ADCY8: variants seen among roughly 807,000 people sequenced by gnomAD.
ADCY8 encodes the protein adenylate cyclase 8.
A neutral mutation model predicts 119.7 loss-of-function variants in ADCY8; 51 were observed. The ratio of observed to expected loss-of-function variants is 0.43; its 90% confidence interval spans 0.34 to 0.54. The LOEUF (loss-of-function observed/expected upper bound fraction) is 0.54, where lower values mean the gene tolerates loss of function less well. ADCY8 is among the 20% of genes least tolerant of loss of function. ADCY8 has a pLI of 0.03. For synonymous variants in ADCY8, 665 were observed against 651.0 expected (o/e 1.02, Z -0.33); for missense variants, 1,383 against 1,598.8 (o/e 0.87, Z 2.30).
chr8:130,843,930 G>A (rs2130289717), intron 11 of ADCY8, among the ~76,000 whole-genome samples: 1 of 152,250 alleles, frequency 6.6e-6, no homozygotes, highest in African/African-American at 2.4e-5. Flanking sequence ...TGAAGGAGTT[G>A]GGCCTGTCAA....
At chr8:131,024,899 T>C (rs1823777364) in intron 1 of ADCY8, among the ~76,000 whole-genome samples, 2 of 152,176 alleles carry the variant, frequency 1.3e-5, no homozygotes, top group African/African-American at 4.8e-5. Context: ...TCTATAAGAA[T>C]TGTCATTATC....
chr8:131,039,523 T>C lies in ADCY8; in HGVS notation c.811A>G (p.Ile271Val). 1.2e-6 allele frequency: 2 copies of C among 1,613,912 alleles called. No homozygotes were observed. The highest frequency in any genetic ancestry group is 1.7e-5 in the Admixed American group (1 of 60,018). ...AAGAGCGTGAAGAGCACGTAGCCTA[T>C]GCCGTCGCCCAGGAGCCCGTAGCCG... Reference protein sequence around the residue: ...GLGYGLLGDGIGYVLFTLFAT... With the variant: ...GLGYGLLGDGVGYVLFTLFAT... The change falls in exon 1 of 18, where the codon ATA becomes GTA. Residue 271 changes from isoleucine (I) to valine (V), a missense_variant. By Grantham distance (29) the Ile-to-Val change is conservative. Coordinates refer to ENST00000286355, the MANE Select transcript of ADCY8 (RefSeq NM_001115.3).
intron 9 of ADCY8, among the ~76,000 whole-genome samples, chr8:130,857,148 G>A (rs535853857): frequency 3.1e-4 from 47 of 150,822 alleles, no homozygotes; most frequent in Middle Eastern, 6.8e-3. Flanking sequence ...GCTAAATGAC[G>A]AGTTAATGGG....
chr8:130,970,571 G>A (rs904592325), intron 2 of ADCY8, among the ~76,000 whole-genome samples: 4 of 152,082 alleles, frequency 2.6e-5, no homozygotes, highest in Admixed American at 2.0e-4. Flanking sequence ...GTAATGCACT[G>A]GAATCATTCC....
chr8:131,000,782 T>C (rs541120552), intron 1 of ADCY8, among the ~76,000 whole-genome samples: 20 of 152,010 alleles, frequency 1.3e-4, no homozygotes, highest in African/African-American at 4.8e-5. Context: ...CACCCTAGGA[T>C]TCGGCCATTT....
At chr8:130,987,013 C>T (rs1009947073) in intron 2 of ADCY8, among the ~76,000 whole-genome samples, 2 of 152,152 alleles carry the variant, frequency 1.3e-5, no homozygotes, top group African/African-American at 4.8e-5. Context: ...TAAAGTCATA[C>T]TCATCCTCCA....
chr8:130,919,682 T>C (rs1461731658), intron 5 of ADCY8, among the ~76,000 whole-genome samples: 1 of 152,190 alleles, frequency 6.6e-6, no homozygotes, highest in South Asian at 2.1e-4. Context: ...AGACAGGGGC[T>C]GACCTAGGCA....
At chr8:130,860,734 G>C (rs7835441) in intron 9 of ADCY8, among the ~76,000 whole-genome samples, 10,150 of 152,062 alleles carry the variant, frequency 0.067, 737 homozygotes, top group African/African-American at 0.18. Flanking sequence ...TCAATCCATC[G>C]TCTAGGTTTT....
intron 8 of ADCY8, among the ~76,000 whole-genome samples, chr8:130,871,382 C>G (rs184995098): frequency 6.6e-6 from 1 of 152,314 alleles, no homozygotes; most frequent in Non-Finnish European, 1.5e-5. Context: ...CCAGCTCTAA[C>G]ACCTATGCAA....
rs1214577649 is a variant in ADCY8, at chr8:130,874,056, C to T, written c.2110-6110G>A. On this transcript the variant is annotated intron_variant, in intron 8 of 17. Coordinates refer to ENST00000286355, the MANE Select transcript of ADCY8 (RefSeq NM_001115.3). ...GGAGCGGTGGCTCATGCCTGTAATC[C>T]CAGTGCTTTGGGAGGCCGAGGTGGG... Among the ~76,000 whole-genome samples the T allele has an allele frequency of 2.6e-5, 4 of 152,030 alleles. No homozygotes were observed. In the East Asian group the frequency reaches 7.8e-4, roughly 30 times the overall value.
intron 1 of ADCY8, among the ~76,000 whole-genome samples, chr8:130,994,830 C>T (rs1822716506): frequency 6.6e-6 from 1 of 152,032 alleles, no homozygotes. Flanking sequence ...TCTGTTCCAC[C>T]ACTCATGGAC....
chr8:130,836,517 C>A (rs1816992828), intron 11 of ADCY8, 68 bp from the exon 12 acceptor site: 1 of 1,522,274 alleles, frequency 6.6e-7, no homozygotes, highest in Admixed American at 1.8e-5. Context: ...GCCATGGATG[C>A]TAGTAGGTCT....
chr8:130,828,676 T>C (rs1816739193), intron 12 of ADCY8, among the ~76,000 whole-genome samples: 1 of 152,206 alleles, frequency 6.6e-6, no homozygotes, highest in Non-Finnish European at 1.5e-5. Context: ...GAAAATTCTG[T>C]CTTCAACAAT....
intron 8 of ADCY8, among the ~76,000 whole-genome samples, chr8:130,868,799 T>G (rs996851984): frequency 6.6e-6 from 1 of 152,204 alleles, no homozygotes; most frequent in Non-Finnish European, 1.5e-5. Context: ...TTTTGGGGGA[T>G]AGAAAACTAA....
At chr8:130,876,774 G>C (rs961026992) in intron 8 of ADCY8, among the ~76,000 whole-genome samples, 1 of 151,850 alleles carries the variant, frequency 6.6e-6, no homozygotes, top group Non-Finnish European at 1.5e-5. Flanking sequence ...ACTTTTTTTT[G>C]GTCTCTATGG....
Position 130,943,413 on chromosome 8 carries a change from A to G in ADCY8, c.1291T>C (p.Ser431Pro), listed in dbSNP as rs1242115483. Residue 431 changes from serine to proline, a missense_variant, in exon 4 of 18, where the codon TCT becomes CCT. Ser to Pro is a moderately conservative substitution (Grantham distance 74). Transcript: ENST00000286355. The stretch of plus-strand genomic sequence containing the variant: ...AGCATCCTGACCAGCTCCTGAGCAG[A>G]CAAGGTCGTGGAGAGGTTGGTAAAT... ...KGFTNLSTTL[S>P]AQELVRMLNE... 6.4e-7 allele frequency: 1 copy of G among 1,558,364 alleles called. No individual in the cohort carries two copies. Among genetic ancestry groups the G allele is most frequent in the Non-Finnish European group, 8.7e-7 (1 of 1,144,820 alleles).
intron 12 of ADCY8, among the ~76,000 whole-genome samples, chr8:130,829,165 G>A (rs578127885): frequency 7.9e-5 from 12 of 152,304 alleles, no homozygotes; most frequent in African/African-American, 2.6e-4. Flanking sequence ...CACCGTGCCT[G>A]GATAAGCCAG....
intron 1 of ADCY8, among the ~76,000 whole-genome samples, chr8:131,037,516 G>C (rs1386783613): frequency 6.6e-6 from 1 of 152,160 alleles, no homozygotes; most frequent in Non-Finnish European, 1.5e-5. Context: ...TTTTCTAGTT[G>C]TGTGTACTGA....
chr8:130,916,456 C>T (rs1039605287), intron 5 of ADCY8, among the ~76,000 whole-genome samples: 1 of 152,190 alleles, frequency 6.6e-6, no homozygotes, highest in South Asian at 2.1e-4. Flanking sequence ...CCGTATGAAA[C>T]GTAGGGTCCA....
Sources: allele counts gnomAD v4.1 joint callset (sites outside exome capture counted in the v4.1 genomes callset), GRCh38; gene constraint gnomAD v4.1.1; transcripts MANE v1.5; gene names NCBI Gene and HGNC (gene_info 2026-07-23, HGNC 2026-07-21).